MACROD2: variants seen among roughly 807,000 people sequenced by gnomAD.
The protein encoded by MACROD2 is mono-ADP ribosylhydrolase 2.
A neutral mutation model predicts 70.4 loss-of-function variants in MACROD2; 36 were observed. That is an observed-to-expected ratio of 0.51 (90% CI 0.39 to 0.68). The LOEUF is 0.68. Among genes scored for constraint, MACROD2 ranks in the 30% least tolerant of loss-of-function variants. MACROD2 has a pLI of 0.00. For synonymous variants in MACROD2, 172 were observed against 178.8 expected (o/e 0.96, Z 0.30); for missense variants, 496 against 538.4 (o/e 0.92, Z 0.78).
At chr20:14,275,296 G>A (rs1601424899) in intron 3 of MACROD2, among the ~76,000 whole-genome samples, 1 of 152,044 alleles carries the variant, frequency 6.6e-6, no homozygotes, top group African/African-American at 2.4e-5. Context: ...TAGACCAATG[G>A]AACAGAACAG....
chr20:15,758,953 G>C (rs924264241), intron 8 of MACROD2, among the ~76,000 whole-genome samples: 6 of 152,032 alleles, frequency 3.9e-5, no homozygotes, highest in Non-Finnish European at 8.8e-5. Flanking sequence ...TTCAAGACCA[G>C]CCTGGCCAAG....
chr20:16,042,540 G>T (rs530654842), intron 16 of MACROD2, among the ~76,000 whole-genome samples: 2 of 152,126 alleles, frequency 1.3e-5, no homozygotes, highest in Non-Finnish European at 2.9e-5. Flanking sequence ...AAGATTTAAA[G>T]TTGCTTTTCC....
chr20:15,177,091 G>A (rs1199573730), intron 5 of MACROD2, among the ~76,000 whole-genome samples: 1 of 152,176 alleles, frequency 6.6e-6, no homozygotes, highest in Non-Finnish European at 1.5e-5. Flanking sequence ...GCACTCACTT[G>A]CCCACACACC....
In MACROD2 at chr20:15,584,486, T is replaced by C. The variant is rs141279205; in HGVS notation, c.645+84639T>C. ...TCTCAAACCAGTGATTCCATTGATA[T>C]TACAGTTGACAATGAAACTGAAAAA... On this transcript the variant is annotated intron_variant, in intron 8 of 17. Transcript: ENST00000684519. 5.4e-4 allele frequency among the ~76,000 whole-genome samples: 82 copies of C among 152,320 alleles called. No homozygotes were observed. The Middle Eastern group carries it at 0.014, about 25-fold the overall frequency.
intron 8 of MACROD2, among the ~76,000 whole-genome samples, chr20:15,747,655 G>A (rs182789394): frequency 1.3e-4 from 20 of 152,108 alleles, no homozygotes; most frequent in African/African-American, 4.6e-4. Context: ...TTTGTATCCC[G>A]CATCTTTGCT....
At chr20:14,830,596 T>A (rs933169773) in intron 5 of MACROD2, among the ~76,000 whole-genome samples, 3 of 152,138 alleles carry the variant, frequency 2.0e-5, no homozygotes, top group African/African-American at 7.2e-5. Flanking sequence ...TAGATATTGA[T>A]TTACTGAATA....
At chr20:14,451,645 C>T (rs898612275) in intron 3 of MACROD2, among the ~76,000 whole-genome samples, 2 of 152,106 alleles carry the variant, frequency 1.3e-5, no homozygotes, top group Admixed American at 6.6e-5. Context: ...GTAGACTCAG[C>T]GGCAGGCCTA....
At chr20:15,393,415 G>A (rs968648200) in intron 6 of MACROD2, among the ~76,000 whole-genome samples, 3 of 152,098 alleles carry the variant, frequency 2.0e-5, no homozygotes, top group African/African-American at 7.2e-5. Flanking sequence ...CCAGTCACGT[G>A]TGCTCAAAGT....
chr20:15,921,416 C>G (rs1235982161), intron 10 of MACROD2, among the ~76,000 whole-genome samples: 1 of 152,208 alleles, frequency 6.6e-6, no homozygotes, highest in African/African-American at 2.4e-5. Flanking sequence ...ATAGGCCCCT[C>G]GTAAGTCTTT....
At chr20:15,413,564 G>T (rs1443556020) in intron 6 of MACROD2, among the ~76,000 whole-genome samples, 3 of 152,168 alleles carry the variant, frequency 2.0e-5, no homozygotes, top group Admixed American at 2.0e-4. Flanking sequence ...AGGGAGAAAA[G>T]TTATATGTGA....
At position 14,096,835 on chromosome 20, in the gene MACROD2, T is replaced by C. The variant is rs560732761; in HGVS notation, c.271+11107T>C. 5.3e-5 allele frequency among the ~76,000 whole-genome samples: 8 copies of C among 152,334 alleles called. No individual in the cohort carries two copies. In the South Asian group the frequency reaches 8.3e-4, roughly 16 times the overall value. On this transcript the variant is annotated intron_variant, in intron 3 of 17. Coordinates refer to ENST00000684519, the MANE Select transcript of MACROD2 (RefSeq NM_001351661.2). Reference sequence around the variant, plus strand: ...ATGCATCTACTAATCTTTGGCCTCCTGTCTTTCTCCCTTCTTGACATTTAC... The same window carrying C: ...ATGCATCTACTAATCTTTGGCCTCCCGTCTTTCTCCCTTCTTGACATTTAC...
intron 5 of MACROD2, among the ~76,000 whole-genome samples, chr20:15,039,904 A>G (rs951520983): frequency 1.3e-5 from 2 of 152,024 alleles, no homozygotes; most frequent in Admixed American, 6.6e-5. Context: ...GATGCTCCCA[A>G]AGTTTCTGGA....
chr20:15,458,635 T>G (rs55940908), intron 7 of MACROD2, among the ~76,000 whole-genome samples: 7,412 of 142,720 alleles, frequency 0.052, 642 homozygotes, highest in African/African-American at 0.2. Context: ...TTGTTTTTTT[T>G]TTTTAAAAAA....
intron 5 of MACROD2, among the ~76,000 whole-genome samples, chr20:14,824,716 T>C (rs2072883113): frequency 6.6e-6 from 1 of 152,072 alleles, no homozygotes; most frequent in Non-Finnish European, 1.5e-5. Context: ...TTTTTGTTAA[T>C]GTCTCATTAG....
intron 7 of MACROD2, among the ~76,000 whole-genome samples, chr20:15,465,661 A>G (rs1456284740): frequency 6.6e-6 from 1 of 152,202 alleles, no homozygotes; most frequent in African/African-American, 2.4e-5. Context: ...GCATGAGAAA[A>G]CGGGGCAACC....
chr20:15,174,711 T>G (rs1601176782), intron 5 of MACROD2, among the ~76,000 whole-genome samples: 1 of 152,242 alleles, frequency 6.6e-6, no homozygotes, highest in Admixed American at 6.5e-5. Flanking sequence ...TGGTGTGAGA[T>G]GGTATCTCAC....
At chr20:15,638,672 A>G (rs2049407084) in intron 8 of MACROD2, among the ~76,000 whole-genome samples, 1 of 152,186 alleles carries the variant, frequency 6.6e-6, no homozygotes, top group African/African-American at 2.4e-5. Flanking sequence ...AATAACCACC[A>G]TGGCCAGTGC....
intron 3 of MACROD2, among the ~76,000 whole-genome samples, chr20:14,260,571 G>A (rs2122309533): frequency 6.6e-6 from 1 of 152,206 alleles, no homozygotes; most frequent in Admixed American, 6.5e-5. Context: ...ACAAAATGCT[G>A]GGATTACAGG....
At chr20:16,011,964 A>AG (rs2147528695) in intron 15 of MACROD2, among the ~76,000 whole-genome samples, 1 of 143,966 alleles carries the variant, frequency 6.9e-6, no homozygotes, top group East Asian at 3.0e-4. Flanking sequence ...GGTCCTGCTT[A>AG]GGGTCACTTG....
Sources: allele counts gnomAD v4.1 joint callset (sites outside exome capture counted in the v4.1 genomes callset), GRCh38; gene constraint gnomAD v4.1.1; transcripts MANE v1.5; gene names NCBI Gene and HGNC (gene_info 2026-07-23, HGNC 2026-07-21).